The following VIRMA variants were observed in gnomAD, a reference collection of about 807,000 sequenced individuals.
The protein encoded by VIRMA is protein virilizer homolog.
In VIRMA, 65 loss-of-function variants were observed where a neutral mutation model predicts 182.4. That is an observed-to-expected ratio of 0.36 (90% CI 0.29 to 0.44). The LOEUF is 0.44. VIRMA is among the 20% of genes least tolerant of loss of function. The pLI, the probability that VIRMA is intolerant of heterozygous loss-of-function variation, is 1.00. For synonymous variants in VIRMA, 709 were observed against 743.1 expected, an observed-to-expected ratio of 0.95 and a Z score of 0.75; for missense variants, 1,752 against 2,158.1, an observed-to-expected ratio of 0.81 and a Z score of 3.73.
intron 12 of VIRMA, 114 bp from the exon 13 acceptor site, chr8:94,511,843 AT>A (rs1240633537): frequency 2.9e-6 from 2 of 691,990 alleles, no homozygotes; most frequent in East Asian, 3.6e-5. Context: ...ATAATAAATG[AT>A]TTTTATTATG....
intron 4 of VIRMA, among the ~76,000 whole-genome samples, chr8:94,536,754 T>C (rs1326018302): frequency 6.6e-6 from 1 of 152,100 alleles, no homozygotes; most frequent in African/African-American, 2.4e-5. Flanking sequence ...CCGAGGCGGT[T>C]GGATCACGAG....
intron 16 of VIRMA, among the ~76,000 whole-genome samples, chr8:94,500,347 C>T (rs766949022): frequency 4.6e-5 from 7 of 152,054 alleles, no homozygotes; most frequent in Admixed American, 3.3e-4. Flanking sequence ...TGCAGTGAGC[C>T]GAGATTGTGC....
At chr8:94,507,444 GTTTAATATACA>G (rs1429776715) in intron 15 of VIRMA, among the ~76,000 whole-genome samples, 1 of 149,600 alleles carries the variant, frequency 6.7e-6, no homozygotes, top group South Asian at 2.3e-4. Flanking sequence ...CAGAAATAAA[GTTTAATATACA>G]TTAATACTGC....
chr8:94,491,382 G>T (rs191901282), intron 22 of VIRMA, among the ~76,000 whole-genome samples, 196 bp downstream of exon 22: 1 of 151,990 alleles, frequency 6.6e-6, no homozygotes, highest in Non-Finnish European at 1.5e-5. Context: ...TACAATGCAT[G>T]AAAGGTTCAT....
rs569055401 is a variant in VIRMA at position 94,496,498 on chromosome 8, A to G, written c.4231-18T>C. ...CAGCATCCCTGTAAATGTCACACAT[A>G]AGTTAAATTTGAGAACAGAGAAATT... On this transcript the variant is annotated intron_variant, in intron 17 of 23. Transcript: ENST00000297591. 6.3e-7 allele frequency: 1 copy of G among 1,595,332 alleles called. No individual in the cohort carries two copies. The highest frequency in any genetic ancestry group is 1.8e-5 in the Admixed American group (1 of 56,388).
Position 94,488,439 on chromosome 8 carries a change from A to G in VIRMA, c.*267T>C. The stretch of plus-strand genomic sequence containing the variant: ...GAATATCTGTGCTATAGGCAAGAAA[A>G]ATACAAAACATCATTTAGTTTTTCA... On this transcript the variant is annotated 3_prime_UTR_variant, in exon 24 of 24. Coordinates refer to ENST00000297591, the MANE Select transcript of VIRMA (RefSeq NM_015496.5). 1 of 322,826 alleles carries G rather than the reference A, an allele frequency of 3.1e-6. No individual in the cohort carries two copies. The highest frequency in any genetic ancestry group is 6.1e-5 in the South Asian group (1 of 16,402). The allele number at this position is 322,826 out of a possible 1,614,324, so 20.0% of individuals were successfully genotyped here.
intron 19 of VIRMA, among the ~76,000 whole-genome samples, chr8:94,495,191 A>T (rs1813731005): frequency 6.6e-6 from 1 of 151,974 alleles, no homozygotes; most frequent in Non-Finnish European, 1.5e-5. Flanking sequence ...TTTTGTAGAG[A>T]GAGGGTCTCC....
rs1264721229 is a variant in VIRMA, at chr8:94,487,727, TATAG to T, written c.*975_*978del. ...ATAACTCTGTATTTTACGCCACTTA[TATAG>T]ACTCAGTGTGTTAAGACGTATCTTG... On this transcript the variant is annotated 3_prime_UTR_variant, in exon 24 of 24. Transcript: ENST00000297591. 6.6e-6 allele frequency: 1 copy of T among 152,344 alleles called. No homozygotes were observed. The highest frequency in any genetic ancestry group is 1.9e-4 in the East Asian group (1 of 5,190). The allele number at this position is 152,344 out of a possible 1,614,324, so 9.4% of individuals were successfully genotyped here. A position where few individuals can be genotyped will look rare whatever the true frequency, so the allele number is the denominator to read the frequency against.
chr8:94,490,868 C>T (rs773354769), intron 22 of VIRMA, among the ~76,000 whole-genome samples: 2 of 151,552 alleles, frequency 1.3e-5, no homozygotes, highest in Non-Finnish European at 2.9e-5. Context: ...AATCTTGTAA[C>T]AATTTCAAAC....
At chr8:94,514,745 C>G (rs1814502375) in intron 11 of VIRMA, 124 bp downstream of exon 11, 2 of 565,822 alleles carry the variant, frequency 3.5e-6, no homozygotes, top group Admixed American at 3.0e-5. Flanking sequence ...CCTACAAAGT[C>G]TAATAAATCA....
At chr8:94,494,487 G>A (rs953453013) in intron 20 of VIRMA, among the ~76,000 whole-genome samples, 5 of 149,620 alleles carry the variant, frequency 3.3e-5, no homozygotes, top group African/African-American at 1.2e-4. Flanking sequence ...AGCTACTCAG[G>A]AGGCTGAGGC....
At chr8:94,511,053 C>T in intron 13 of VIRMA, 132 bp downstream of exon 13, 1 of 1,438,156 alleles carries the variant, frequency 7.0e-7, no homozygotes. Flanking sequence ...TTTTATCTCC[C>T]CCTCATCCGG....
chr8:94,490,762 G>A (rs1243268689), intron 22 of VIRMA, among the ~76,000 whole-genome samples: 4 of 151,846 alleles, frequency 2.6e-5, no homozygotes, highest in African/African-American at 4.8e-5. Context: ...CAGGAGAATC[G>A]CTTAAACCCA....
At chr8:94,498,098 A>C (rs1218848710) in intron 17 of VIRMA, 1 of 152,134 alleles carries the variant, frequency 6.6e-6, no homozygotes, top group East Asian at 1.9e-4. Context: ...TGCAACCTTG[A>C]ACTCATAGGT....
chr8:94,533,054 TAAATTGAAC>T (rs1226295176), intron 5 of VIRMA, among the ~76,000 whole-genome samples: 1 of 151,996 alleles, frequency 6.6e-6, no homozygotes, highest in East Asian at 1.9e-4. Context: ...AACAAATCAG[TAAATTGAAC>T]AAATTTTTAG....
Position 94,538,268 on chromosome 8 carries a change from C to A in VIRMA, c.258G>T (p.Arg86Ser). 2 of 1,610,056 alleles carry A rather than the reference C, an allele frequency of 1.2e-6. No individual in the cohort carries two copies. Among genetic ancestry groups the A allele is most frequent in the East Asian group, 4.5e-5 (2 of 44,772 alleles). The part of the protein sequence containing the change: ...VSKPSAPVFD[R>S]LGSLEYDENT... ...ACCTAGCAGGTACATACCTTCCCAACCTATCGAAAACAGGGGCACTTGGTT... is the reference window on the plus strand; with the variant it reads ...ACCTAGCAGGTACATACCTTCCCAAACTATCGAAAACAGGGGCACTTGGTT... Residue 86 changes from arginine (R) to serine (S), a missense_variant, in exon 3 of 24, where the codon AGG (arginine) becomes AGT (serine). Physicochemically the swap from Arg to Ser is moderately radical, Grantham distance 110 (BLOSUM62 -1). Around this residue, in one of 11 missense-constraint regions of VIRMA, gnomAD observed 195 missense variants for 191.7 expected, o/e 1.02. Transcript: ENST00000297591.
intron 4 of VIRMA, among the ~76,000 whole-genome samples, chr8:94,535,412 T>C (rs142087884): frequency 1.3e-5 from 2 of 152,286 alleles, no homozygotes; most frequent in Non-Finnish European, 2.9e-5. Flanking sequence ...ATAAAGTCCA[T>C]AAAACTACAT....
chr8:94,505,145 G>A (rs1208326258), intron 16 of VIRMA, among the ~76,000 whole-genome samples: 2 of 152,166 alleles, frequency 1.3e-5, no homozygotes, highest in East Asian at 3.8e-4. Context: ...CATGAGGAAT[G>A]GATGTGAAGC....
intron 16 of VIRMA, among the ~76,000 whole-genome samples, chr8:94,501,431 C>T (rs1472281333): frequency 6.6e-6 from 1 of 152,086 alleles, no homozygotes; most frequent in Non-Finnish European, 1.5e-5. Flanking sequence ...ACTGGATACA[C>T]TAAGGCTAAA....
Sources: gnomAD v4.1 joint callset for allele counts (sites outside exome capture counted in the v4.1 genomes callset) on GRCh38, gnomAD v4.1.1 for gene constraint, gnomAD v4.1.1 regional missense constraint, MANE v1.5 for transcripts, NCBI Gene and HGNC (gene_info 2026-07-23, HGNC 2026-07-21) for gene names.